NFATC3: variants seen among roughly 807,000 people sequenced by gnomAD.
The protein encoded by NFATC3 is nuclear factor of activated T cells 3, also known as nuclear factor of activated T-cells, cytoplasmic 3.
In NFATC3, 46 loss-of-function variants were observed where a neutral mutation model predicts 98.6. The ratio of observed to expected loss-of-function variants is 0.47; its 90% CI spans 0.37 to 0.60. The LOEUF (loss-of-function observed/expected upper bound fraction) is 0.60, where lower values mean the gene tolerates loss of function less well. Among genes scored for constraint, NFATC3 ranks in the 20% least tolerant of loss-of-function variants. The pLI is 0.00. For missense variants in NFATC3, 1,256 were observed against 1,295.5 expected, an observed-to-expected ratio of 0.97 and a Z score of 0.47; for synonymous variants, 512 against 472.2, an observed-to-expected ratio of 1.08 and a Z score of -1.09.
intron 9 of NFATC3, chr16:68,221,183 C>T (rs2041849696): frequency 6.2e-7 from 1 of 1,612,888 alleles, no homozygotes; most frequent in Non-Finnish European, 8.5e-7. Flanking sequence ...CTTACATTTA[C>T]ATTACATCAT....
At chr16:68,107,405 C>A (rs962150732) in intron 1 of NFATC3, among the ~76,000 whole-genome samples, 2 of 152,096 alleles carry the variant, frequency 1.3e-5, no homozygotes, top group African/African-American at 4.8e-5. Context: ...TCGCCAACAT[C>A]TGTTGTTTCT....
At position 68,102,375 on chromosome 16, in the gene NFATC3, A is replaced by G. The variant is rs574223935; in HGVS notation, c.103+16591A>G. Among the ~76,000 whole-genome samples, 242 of 74,784 alleles carry G rather than the reference A, an allele frequency of 3.2e-3. 1 individual carries two copies. Among genetic ancestry groups the G allele is most frequent in the African/African-American group, 6.5e-3 (124 of 19,108 alleles). 49.1% of individuals were successfully genotyped at this position (74,784 alleles called of 152,430 possible). A position where few individuals can be genotyped will look rare whatever the true frequency, so the allele number is the denominator to read the frequency against. On this transcript the variant is annotated intron_variant, in intron 1 of 9. Transcript: ENST00000346183. ...TGACAGTGTGAGACTCCATCTCAGG[A>G]AAAAAAAAAAAAAAAAAAAAAAAAA...
At chr16:68,112,680 C>T (rs1448343166) in intron 1 of NFATC3, among the ~76,000 whole-genome samples, 1 of 109,046 alleles carries the variant, frequency 9.2e-6, no homozygotes, top group African/African-American at 3.7e-5. Flanking sequence ...GAGACGGAGT[C>T]TCGCTCTGTC....
intron 1 of NFATC3, among the ~76,000 whole-genome samples, chr16:68,103,401 G>C (rs1050763471): frequency 6.6e-6 from 1 of 152,070 alleles, no homozygotes; most frequent in Non-Finnish European, 1.5e-5. Context: ...GTGGAGATGA[G>C]ATTTCACCAC....
intron 8 of NFATC3, among the ~76,000 whole-genome samples, chr16:68,184,628 C>T (rs914466786): frequency 1.7e-4 from 26 of 152,000 alleles, no homozygotes; most frequent in Non-Finnish European, 3.1e-4. Context: ...ATGGTGAAAC[C>T]CCGTCTCTAC....
At chr16:68,205,406 C>T (rs2041104783) in intron 9 of NFATC3, among the ~76,000 whole-genome samples, 1 of 152,050 alleles carries the variant, frequency 6.6e-6, no homozygotes, top group Non-Finnish European at 1.5e-5. Flanking sequence ...CCTGCCACCA[C>T]ATCCGGCTAA....
intron 3 of NFATC3, among the ~76,000 whole-genome samples, chr16:68,130,210 T>A (rs1008254422): frequency 6.6e-6 from 1 of 152,206 alleles, no homozygotes; most frequent in Non-Finnish European, 1.5e-5. Context: ...CTGTTTTTAA[T>A]TTTTTGAGTA....
rs1166126397 is a variant in NFATC3, at chr16:68,214,384, T to C, written c.3107-11966T>C. On this transcript the variant is annotated intron_variant, in intron 9 of 9. Coordinates refer to ENST00000346183, the MANE Select transcript of NFATC3 (RefSeq NM_173165.3). ...CATCAGGTTCAGCAGAGAAATGGCCTAACCACAGTGTGCTCTCATGTCCAG... is the reference window on the plus strand; with the variant it reads ...CATCAGGTTCAGCAGAGAAATGGCCCAACCACAGTGTGCTCTCATGTCCAG... The C allele has an allele frequency of 3.1e-6, 5 of 1,614,092 alleles. No individual in the cohort carries two copies. The Admixed American group carries it at 8.3e-5, about 27-fold the overall frequency.
intron 1 of NFATC3, among the ~76,000 whole-genome samples, chr16:68,118,148 A>G (rs1043401656): frequency 1.3e-5 from 2 of 152,034 alleles, no homozygotes; most frequent in Non-Finnish European, 2.9e-5. Context: ...TTCTCTCCCC[A>G]GCCCCGCTGA....
rs2040025306 is a variant in NFATC3 at position 68,183,373 on chromosome 16, G to A, written c.2098+7G>A. 6.2e-7 allele frequency: 1 copy of A among 1,610,750 alleles called. No individual in the cohort carries two copies. Among genetic ancestry groups the A allele is most frequent in the Admixed American group, 1.7e-5 (1 of 59,904 alleles). The stretch of plus-strand genomic sequence containing the variant: ...CGTTTTACTTATACACCAGGTACGA[G>A]GAGTCATGATGGTTTACTATAGAGC... On this transcript the variant is annotated splice_region_variant and intron_variant, in intron 8 of 9. Transcript: ENST00000346183.
chr16:68,216,242 G>A (rs1257196846), intron 9 of NFATC3, among the ~76,000 whole-genome samples: 1 of 152,268 alleles, frequency 6.6e-6, no homozygotes, highest in East Asian at 1.9e-4. Flanking sequence ...AGAGGAAAAT[G>A]TACAAAATGA....
chr16:68,197,413 A>T (rs1003021561), intron 9 of NFATC3, among the ~76,000 whole-genome samples: 1 of 152,178 alleles, frequency 6.6e-6, no homozygotes, highest in African/African-American at 2.4e-5. Context: ...CCTGCTGAGT[A>T]ACTGGGACCA....
chr16:68,220,087 A>C (rs1252472865), intron 9 of NFATC3, among the ~76,000 whole-genome samples: 3 of 152,348 alleles, frequency 2.0e-5, no homozygotes, highest in Middle Eastern at 3.4e-3. Context: ...GCACAGGCAA[A>C]TTCAGGTGTT....
chr16:68,134,465 T>C lies in NFATC3; in HGVS notation c.1401+7855T>C, dbSNP rs538807805. On this transcript the variant is annotated intron_variant, in intron 3 of 9. Coordinates refer to ENST00000346183, the MANE Select transcript of NFATC3 (RefSeq NM_173165.3). ...ACCTCAGCCTCCCAAAATGCTGGAA[T>C]TACAGACGTGAGCCACTGTGCCCAG... Among the ~76,000 whole-genome samples, 11 of 152,270 alleles carry C rather than the reference T, an allele frequency of 7.2e-5. 1 individual carries two copies. In the South Asian group the frequency reaches 2.3e-3, roughly 32 times the overall value.
At chr16:68,221,997 A>C (rs950655539) in intron 9 of NFATC3, among the ~76,000 whole-genome samples, 2 of 152,064 alleles carry the variant, frequency 1.3e-5, no homozygotes, top group African/African-American at 4.8e-5. Context: ...GATATAGAAG[A>C]ACAACACCTC....
intron 9 of NFATC3, among the ~76,000 whole-genome samples, chr16:68,205,831 T>C (rs756586367): frequency 3.9e-5 from 6 of 152,156 alleles, no homozygotes; most frequent in Non-Finnish European, 5.9e-5. Context: ...TGAAAAGATA[T>C]TCTTAAAATA....
intron 3 of NFATC3, among the ~76,000 whole-genome samples, chr16:68,137,229 T>TA (rs1393801912): frequency 6.6e-6 from 1 of 152,220 alleles, no homozygotes; most frequent in African/African-American, 2.4e-5. Context: ...TTTATATCCT[T>TA]ATTCCATAAA....
intron 9 of NFATC3, chr16:68,212,425 T>C (rs988528697): frequency 2.4e-4 from 36 of 152,222 alleles, no homozygotes; most frequent in African/African-American, 8.7e-4. Flanking sequence ...TTAGGTCCTT[T>C]TACTTGAAGT....
At chr16:68,173,345 T>C (rs2039551824) in intron 5 of NFATC3, among the ~76,000 whole-genome samples, 1 of 152,048 alleles carries the variant, frequency 6.6e-6, no homozygotes, top group African/African-American at 2.4e-5. Flanking sequence ...GGCGGGCAGA[T>C]CACCTGAAGT....
Sources: allele counts gnomAD v4.1 joint callset (sites outside exome capture counted in the v4.1 genomes callset), GRCh38; gene constraint gnomAD v4.1.1; transcripts MANE v1.5; gene names NCBI Gene and HGNC (gene_info 2026-07-23, HGNC 2026-07-21).